The following OSBPL3 variants were observed in gnomAD, a reference collection of about 807,000 sequenced individuals.
The protein encoded by OSBPL3 is oxysterol-binding protein-related protein 3.
OSBPL3 carries 65 observed loss-of-function variants against 120.1 expected under a neutral mutation model. The observed-to-expected ratio is 0.54, with a 90% confidence interval of 0.44 to 0.67. The LOEUF is 0.67. Among genes scored for constraint, OSBPL3 ranks in the 30% least tolerant of loss-of-function variants. OSBPL3 has a pLI of 0.00. For missense variants in OSBPL3, 1,004 were observed against 1,082.1 expected (o/e 0.93, Z 1.01); for synonymous variants, 416 against 402.6 (o/e 1.03, Z -0.40).
chr7:24,914,633 G>T (rs933441828), intron 1 of OSBPL3, among the ~76,000 whole-genome samples: 5 of 152,056 alleles, frequency 3.3e-5, no homozygotes, highest in African/African-American at 1.2e-4. Flanking sequence ...TCGATGGCTG[G>T]TGTATATCTG....
chr7:24,892,251 A>C, intron 2 of OSBPL3, 126 bp downstream of exon 2: 16 of 862,360 alleles, frequency 1.9e-5, no homozygotes, highest in East Asian at 2.7e-5. Flanking sequence ...CATACAGTCA[A>C]GAGATAACCA....
rs537675427 is a variant in OSBPL3, at chr7:24,940,284, A to C, written c.-150+39602T>G. On this transcript the variant is annotated intron_variant, in intron 1 of 22. Coordinates refer to ENST00000313367, the MANE Select transcript of OSBPL3 (RefSeq NM_015550.4). This position sits in a 1 kb window ranked among gnomAD's most constrained non-coding sequence, Gnocchi z 4.4. ...ATAAGCAGAGTGGTAAACTGAGTAC[A>C]AAGACAGAAGAAGTGGACTGTTGTG... 1.4e-4 allele frequency among the ~76,000 whole-genome samples: 22 copies of C among 152,380 alleles called. No homozygotes were observed. The highest frequency in any genetic ancestry group is 5.2e-4 in the Admixed American group (8 of 15,314).
rs898937850 is a variant in OSBPL3 at position 24,851,925 on chromosome 7, G to A, written c.1158+579C>T. ...ATGAAGGTATAGTGATTGCCTGACA[G>A]GCACTTTCATGTGACTCATCTCTTT... On this transcript the variant is annotated intron_variant, in intron 11 of 22. Coordinates refer to ENST00000313367, the MANE Select transcript of OSBPL3 (RefSeq NM_015550.4). This position sits in a 1 kb window ranked among gnomAD's most constrained non-coding sequence, Gnocchi z 4.1. Among the ~76,000 whole-genome samples, 1 of 152,214 alleles carries A rather than the reference G, an allele frequency of 6.6e-6. No homozygotes were observed. The highest frequency in any genetic ancestry group is 1.5e-5 in the Non-Finnish European group (1 of 68,042).
At position 24,831,979 on chromosome 7, in the gene OSBPL3, A is replaced by G. The variant is rs897516116; in HGVS notation, c.1747-1074T>C. On this transcript the variant is annotated intron_variant, in intron 15 of 22. Transcript: ENST00000313367. The surrounding 1 kb of genome is among the most constrained non-coding windows in gnomAD (Gnocchi z 4.0). The stretch of plus-strand genomic sequence containing the variant: ...CACTTTGGGAGACCGAGGCAGGTGG[A>G]TCTGCTTGAGCCCAAGAGTTCAAGA... 6.6e-6 allele frequency among the ~76,000 whole-genome samples: 1 copy of G among 152,004 alleles called. No individual in the cohort carries two copies. Among genetic ancestry groups the G allele is most frequent in the African/African-American group, 2.4e-5 (1 of 41,374 alleles).
Position 24,822,169 on chromosome 7 carries a change from C to G in OSBPL3, c.1885-1931G>C, listed in dbSNP as rs779968735. 2.0e-5 allele frequency among the ~76,000 whole-genome samples: 3 copies of G among 152,182 alleles called. No individual in the cohort carries two copies. Among genetic ancestry groups the G allele is most frequent in the Non-Finnish European group, 4.4e-5 (3 of 68,038 alleles). ...GATTACAGGTGTGAGCCACCATATC[C>G]AGTTATCTTTTTTAAAAAAATCCTA... is the stretch of plus-strand genomic sequence containing the variant. On this transcript the variant is annotated intron_variant, in intron 16 of 22. Coordinates refer to ENST00000313367, the MANE Select transcript of OSBPL3 (RefSeq NM_015550.4). The surrounding 1 kb of genome is among the most constrained non-coding windows in gnomAD (Gnocchi z 5.8).
At position 24,813,166 on chromosome 7, in the gene OSBPL3, A is replaced by G. The variant is rs2128124225; in HGVS notation, c.2172+1893T>C. ...AGTGCTGGGATTACAGGTGTGAGCC[A>G]TGGCACCCGGGCTCTTAAGTTTATT... On this transcript the variant is annotated intron_variant, in intron 19 of 22. Transcript: ENST00000313367. The surrounding 1 kb of genome is among the most constrained non-coding windows in gnomAD (Gnocchi z 4.5). Among the ~76,000 whole-genome samples, 1 of 152,320 alleles carries G rather than the reference A, an allele frequency of 6.6e-6. No homozygotes were observed. The highest frequency in any genetic ancestry group is 1.5e-5 in the Non-Finnish European group (1 of 68,016).
At position 24,876,437 on chromosome 7, in the gene OSBPL3, CCCTTT is replaced by C. The variant is rs532588295; in HGVS notation, c.97-4373_97-4369del. ...ACTTCTAAGGTTTTTTTTTTTTCTT[CCCTTT>C]CATTTTTATCTCCAGTGCTTTGGTC... On this transcript the variant is annotated intron_variant, in intron 2 of 22. Transcript: ENST00000313367. 3.7e-3 allele frequency among the ~76,000 whole-genome samples: 558 copies of C among 149,852 alleles called. 4 individuals carry two copies. Among genetic ancestry groups the C allele is most frequent in the South Asian group, 0.014 (66 of 4,770 alleles).
rs949844443 is a variant in OSBPL3 at position 24,892,589 on chromosome 7, A to G, written c.-117T>C. On this transcript the variant is annotated 5_prime_UTR_variant, in exon 2 of 23. Coordinates refer to ENST00000313367, the MANE Select transcript of OSBPL3 (RefSeq NM_015550.4). Reference sequence around the variant, plus strand: ...AGCTCTTATCCAAAGTATTTAAAAAACATTTTGGGTGGCCCAAAGGAAACC... The same window carrying G: ...AGCTCTTATCCAAAGTATTTAAAAAGCATTTTGGGTGGCCCAAAGGAAACC... 32 of 1,430,248 alleles carry G rather than the reference A, an allele frequency of 2.2e-5. No homozygotes were observed. The highest frequency in any genetic ancestry group is 2.9e-5 in the Non-Finnish European group (31 of 1,082,228). The allele number at this position is 1,430,248 out of a possible 1,614,324, so 88.6% of individuals were successfully genotyped here.
At position 24,816,811 on chromosome 7, in the gene OSBPL3, G is replaced by A. The variant is rs1361912335; in HGVS notation, c.1949-123C>T. The A allele has an allele frequency of 7.2e-6, 5 of 691,062 alleles. No homozygotes were observed. The Admixed American group carries it at 9.1e-5, about 13-fold the overall frequency. The allele number at this position is 691,062 out of a possible 1,614,324, so 42.8% of individuals were successfully genotyped here. ...CCTCTTCACAATCAAGTCAATTATT[G>A]TATAGGATAACTTTTCATAAAATAT... is the stretch of plus-strand genomic sequence containing the variant. On this transcript the variant is annotated intron_variant, in intron 17 of 22. Transcript: ENST00000313367.
At position 24,894,755 on chromosome 7, in the gene OSBPL3, C is replaced by A. The variant is rs76042221; in HGVS notation, c.-149-2134G>T. On this transcript the variant is annotated intron_variant, in intron 1 of 22. Coordinates refer to ENST00000313367, the MANE Select transcript of OSBPL3 (RefSeq NM_015550.4). This position sits in a 1 kb window ranked among gnomAD's most constrained non-coding sequence, Gnocchi z 4.1. ...TGTGTGCAATGTAAAGGGAGAGAAA[C>A]GTGGGCAATAAATGAAAGTTACAGG... Among the ~76,000 whole-genome samples the A allele has an allele frequency of 6.6e-6, 1 of 152,062 alleles. No individual in the cohort carries two copies. Among genetic ancestry groups the A allele is most frequent in the South Asian group, 2.1e-4 (1 of 4,824 alleles).
intron 12 of OSBPL3, among the ~76,000 whole-genome samples, chr7:24,843,944 C>T (rs754309757): frequency 1.2e-4 from 18 of 152,230 alleles, no homozygotes; most frequent in Non-Finnish European, 2.4e-4. Flanking sequence ...CATTTATTTA[C>T]TTGTTCTACT....
In OSBPL3 at chr7:24,968,327, T is replaced by C. The variant is rs1816615773; in HGVS notation, c.-150+11559A>G. On this transcript the variant is annotated intron_variant, in intron 1 of 22. Transcript: ENST00000313367. The surrounding 1 kb of genome is among the most constrained non-coding windows in gnomAD (Gnocchi z 4.6). ...GCTTCAAACTACCAACATGAAGTAATCAGCCAAGGGCTTGGGAAGTCACGC... is the reference window on the plus strand; with the variant it reads ...GCTTCAAACTACCAACATGAAGTAACCAGCCAAGGGCTTGGGAAGTCACGC... Among the ~76,000 whole-genome samples, 1 of 152,212 alleles carries C rather than the reference T, an allele frequency of 6.6e-6. No homozygotes were observed. The highest frequency in any genetic ancestry group is 2.4e-5 in the African/African-American group (1 of 41,448).
At chr7:24,961,073 A>T (rs889702125) in intron 1 of OSBPL3, among the ~76,000 whole-genome samples, 1 of 152,236 alleles carries the variant, frequency 6.6e-6, no homozygotes, top group East Asian at 1.9e-4. Context: ...TTTTAAAAAA[A>T]ATTCTTCTCC....
intron 1 of OSBPL3, among the ~76,000 whole-genome samples, chr7:24,904,958 T>TGTGA (rs1807673129): frequency 6.8e-6 from 1 of 148,120 alleles, no homozygotes; most frequent in South Asian, 2.1e-4. Flanking sequence ...TGTGTGTGTG[T>TGTGA]GTGAATAAAG....
intron 1 of OSBPL3, among the ~76,000 whole-genome samples, chr7:24,976,708 A>G (rs150297963): frequency 6.6e-6 from 1 of 152,340 alleles, no homozygotes; most frequent in Non-Finnish European, 1.5e-5. Context: ...TCTCTTCCTC[A>G]GGCATTCTAG....
In OSBPL3 at chr7:24,842,263, T is replaced by C. The variant is rs1342331716; in HGVS notation, c.1401+16A>G. 1 of 1,611,534 alleles carries C rather than the reference T, an allele frequency of 6.2e-7. No homozygotes were observed. Among genetic ancestry groups the C allele is most frequent in the Admixed American group, 1.7e-5 (1 of 59,644 alleles). ...GAGAGATTTTTGAGGCACCATACTG[T>C]AAACATTGCTCAAACCTCGTTTTCT... On this transcript the variant is annotated intron_variant, in intron 13 of 22. Coordinates refer to ENST00000313367, the MANE Select transcript of OSBPL3 (RefSeq NM_015550.4).
chr7:24,892,687 G>A, intron 1 of OSBPL3, 66 bp from the exon 2 acceptor site: 1 of 1,187,652 alleles, frequency 8.4e-7, no homozygotes. Flanking sequence ...GCCACAAATT[G>A]TCTGCAAGTG....
rs70942889 is a variant in OSBPL3 at position 24,854,502 on chromosome 7, GCACACACACACACACACA to G, written c.1028-1886_1028-1869del. 5.6e-4 allele frequency among the ~76,000 whole-genome samples: 74 copies of G among 131,508 alleles called. No individual in the cohort carries two copies. Among genetic ancestry groups the G allele is most frequent in the African/African-American group, 1.9e-3 (69 of 35,836 alleles). 86.3% of individuals were successfully genotyped at this position (131,508 alleles called of 152,430 possible). On this transcript the variant is annotated intron_variant, in intron 10 of 22. Transcript: ENST00000313367. The surrounding 1 kb of genome is among the most constrained non-coding windows in gnomAD (Gnocchi z 4.1). Reference sequence around the variant, plus strand: ...CACAACAATTTGTACACACACACACGCACACACACACACACACACACACACACACACACACAAACACAC... The same window carrying G: ...CACAACAATTTGTACACACACACACGCACACACACACACACACAAACACAC...
At chr7:24,814,665 G>A (rs188947496) in intron 19 of OSBPL3, among the ~76,000 whole-genome samples, 1 of 152,134 alleles carries the variant, frequency 6.6e-6, no homozygotes, top group Non-Finnish European at 1.5e-5. Flanking sequence ...TGCAGCCCCG[G>A]GCGACCACCA....
Sources: gnomAD v4.1 joint callset for allele counts (sites outside exome capture counted in the v4.1 genomes callset) on GRCh38, gnomAD v4.1.1 for gene constraint, Gnocchi (gnomAD v3.1) non-coding constraint, MANE v1.5 for transcripts, NCBI Gene and HGNC (gene_info 2026-07-23, HGNC 2026-07-21) for gene names.